CP: variants seen among roughly 807,000 people sequenced by gnomAD.
The protein encoded by CP is caeruloplasmin.
CP carries 64 observed loss-of-function variants against 122.4 expected under a neutral mutation model. The ratio of observed to expected loss-of-function variants is 0.52; its 90% CI spans 0.43 to 0.64. CP has a LOEUF of 0.64. Ranked by LOEUF, CP falls within the 30% of genes least tolerant of loss-of-function variation. CP has a pLI of 0.00. For synonymous variants in CP, 440 were observed against 436.4 expected (o/e 1.01, Z -0.10); for missense variants, 1,167 against 1,284.4 (o/e 0.91, Z 1.40).
At chr3:149,165,165 C>T (rs1258951358) in intron 5 of CP, among the ~76,000 whole-genome samples, 1 of 152,100 alleles carries the variant, frequency 6.6e-6, no homozygotes, top group Non-Finnish European at 1.5e-5. Context: ...GTTCATTTCA[C>T]GAATATTGCT....
downstream of CP, among the ~76,000 whole-genome samples, chr3:149,169,038 C>CGTGTGTGTGT (rs34076994): frequency 4.5e-3 from 678 of 149,804 alleles, 7 homozygotes; most frequent in African/African-American, 0.015. Context: ...TGTGTGCATA[C>CGTGTGTGTGT]GTGTGTGTGT....
intron 4 of CP, 96 bp from the exon 5 acceptor site, chr3:149,207,713 A>C: frequency 1.5e-6 from 2 of 1,325,696 alleles, no homozygotes; most frequent in Non-Finnish European, 2.2e-6. Flanking sequence ...GGAATGGCAA[A>C]TATCTGGCAC....
intron 11 of CP, 101 bp from the exon 12 acceptor site, chr3:149,185,547 GGT>G: frequency 9.1e-7 from 1 of 1,093,024 alleles, no homozygotes; most frequent in Non-Finnish European, 1.4e-6. Flanking sequence ...CATGGCCTCA[GGT>G]GATCTAGCTT....
At chr3:149,170,860 T>C (rs147876099), downstream of CP, among the ~76,000 whole-genome samples, 1,082 of 152,286 alleles carry the variant, frequency 7.1e-3, 5 homozygotes, top group Middle Eastern at 0.02. Context: ...AGTGGATGTT[T>C]ATTGGGAACA....
chr3:149,171,949 C>T, downstream of CP: 2 of 617,138 alleles, frequency 3.2e-6, no homozygotes, highest in South Asian at 1.6e-5. Context: ...TCGTGATCTG[C>T]CCACCTCGGC....
chr3:149,188,238 G>A, intron 9 of CP, 36 bp from the exon 10 acceptor site: 1 of 1,567,878 alleles, frequency 6.4e-7, no homozygotes, highest in Non-Finnish European at 8.7e-7. Flanking sequence ...GAGACAGAAT[G>A]AATAAAGCAG....
At chr3:149,178,876 A>G (rs1436723313) in intron 15 of CP, among the ~76,000 whole-genome samples, 1 of 152,252 alleles carries the variant, frequency 6.6e-6, no homozygotes, top group African/African-American at 2.4e-5. Context: ...GGCAAAAATT[A>G]GCTCAGCTAA....
intron 8 of CP, among the ~76,000 whole-genome samples, chr3:149,199,474 A>G (rs1262900194): frequency 6.6e-6 from 1 of 152,216 alleles, no homozygotes; most frequent in Non-Finnish European, 1.5e-5. Flanking sequence ...AATTGATACA[A>G]CCCAACTAAA....
rs569773146 is a variant in CP, at chr3:149,208,151, GA to G, written c.782-535del. 6.6e-5 allele frequency among the ~76,000 whole-genome samples: 10 copies of G among 151,872 alleles called. No homozygotes were observed. The South Asian group carries it at 2.1e-3, about 32-fold the overall frequency. On this transcript the variant is annotated intron_variant, in intron 4 of 18. Coordinates refer to ENST00000264613, the MANE Select transcript of CP (RefSeq NM_000096.4). Reference sequence around the variant, plus strand: ...AAGATTGGAAGAGATATGAAGGAGGGAAAAAATGTAGAAGGGCAGCAGGGAC... The same window carrying G: ...AAGATTGGAAGAGATATGAAGGAGGGAAAAATGTAGAAGGGCAGCAGGGAC...
chr3:149,171,698 C>CTT (rs1170000443), downstream of CP, among the ~76,000 whole-genome samples: 3,608 of 118,232 alleles, frequency 0.031, 237 homozygotes, highest in African/African-American at 0.093. Context: ...GAACTGGCTT[C>CTT]TTTTTTTTTT....
intron 14 of CP, chr3:149,179,970 C>A: frequency 3.0e-6 from 1 of 332,248 alleles, no homozygotes; most frequent in South Asian, 3.0e-5. Flanking sequence ...AACTTTGCAA[C>A]CAATCTCTTC....
At chr3:149,221,003 A>G (rs1006446715) in intron 1 of CP, among the ~76,000 whole-genome samples, 1 of 152,210 alleles carries the variant, frequency 6.6e-6, no homozygotes, top group Non-Finnish European at 1.5e-5. Context: ...TTTAAGTTAC[A>G]TGGAGCTTTT....
chr3:149,184,169 G>A (rs765932822), intron 12 of CP, among the ~76,000 whole-genome samples: 7 of 150,182 alleles, frequency 4.7e-5, no homozygotes, highest in Non-Finnish European at 8.9e-5. Context: ...CGAGTAGCTG[G>A]GACTACAAGC....
intron 16 of CP, 84 bp downstream of exon 16, chr3:149,178,331 A>T (rs1345029361): frequency 8.9e-7 from 1 of 1,129,728 alleles, no homozygotes; most frequent in Non-Finnish European, 1.3e-6. Flanking sequence ...AAGACAAAAC[A>T]AATGAATGGT....
At chr3:149,175,449 A>G (rs546702784) in intron 18 of CP, among the ~76,000 whole-genome samples, 65 of 152,250 alleles carry the variant, frequency 4.3e-4, no homozygotes, top group African/African-American at 1.4e-3. Flanking sequence ...ATCTTCAAAT[A>G]TATTTACATT....
intron 1 of CP, among the ~76,000 whole-genome samples, chr3:149,220,708 C>T (rs1462426042): frequency 1.3e-5 from 2 of 152,082 alleles, no homozygotes; most frequent in Non-Finnish European, 2.9e-5. Flanking sequence ...CAAACTTCGG[C>T]ATCCTTATTT....
chr3:149,210,090 T>C, intron 3 of CP, 77 bp downstream of exon 3: 1 of 1,426,232 alleles, frequency 7.0e-7, no homozygotes, highest in Non-Finnish European at 9.9e-7. Context: ...ACAGAAGACT[T>C]GATTTCTTTT....
intron 18 of CP, among the ~76,000 whole-genome samples, chr3:149,174,874 CTTTAA>C (rs937889394): frequency 7.2e-5 from 11 of 152,194 alleles, no homozygotes; most frequent in African/African-American, 2.4e-4. Flanking sequence ...TCAAATTTCT[CTTTAA>C]TTTTTTATCT....
At chr3:149,185,177 C>A (rs1726073713) in intron 12 of CP, 62 bp downstream of exon 12, 1 of 1,528,374 alleles carries the variant, frequency 6.5e-7, no homozygotes, top group Non-Finnish European at 9.0e-7. Flanking sequence ...GTAATTCTTA[C>A]TTCTCTGAAA....
Sources: gnomAD v4.1 joint callset for allele counts (sites outside exome capture counted in the v4.1 genomes callset) on GRCh38, gnomAD v4.1.1 for gene constraint, MANE v1.5 for transcripts, NCBI Gene and HGNC (gene_info 2026-07-23, HGNC 2026-07-21) for gene names.